Variants in LRP1 observed in about 807,000 individuals in gnomAD.
LRP1 encodes prolow-density lipoprotein receptor-related protein 1.
Under a neutral mutation model 541.5 loss-of-function variants are expected in LRP1, and 51 were observed. The observed-to-expected ratio is 0.09, with a 90% CI of 0.08 to 0.12. The LOEUF (loss-of-function observed/expected upper bound fraction) is 0.12. Among genes scored for constraint, LRP1 ranks in the 10% least tolerant of loss-of-function variants. The pLI, the probability that LRP1 is intolerant of heterozygous loss-of-function variation, is 1.00. For missense variants in LRP1, 3,878 were observed against 6,376.2 expected (o/e 0.61, Z 13.34); for synonymous variants, 2,219 against 2,470.8 (o/e 0.90, Z 3.02).
In LRP1 at chr12:57,199,861, A is replaced by T; in HGVS notation, c.9866-16A>T. On this transcript the variant is annotated splice_polypyrimidine_tract_variant and intron_variant, in intron 61 of 88. Coordinates refer to ENST00000243077, the MANE Select transcript of LRP1 (RefSeq NM_002332.3). ...CCAGAAAATGTCACCATATTTCACG[A>T]CGTTTTCTCTGGCAGTGCCCAATCA... is the stretch of plus-strand genomic sequence containing the variant. The T allele has an allele frequency of 6.3e-7, 1 of 1,575,476 alleles. No individual in the cohort carries two copies. Among genetic ancestry groups the T allele is most frequent in the Non-Finnish European group, 8.6e-7 (1 of 1,163,256 alleles).
intron 76 of LRP1, among the ~76,000 whole-genome samples, chr12:57,207,543 A>G (rs916448786): frequency 2.6e-5 from 4 of 151,372 alleles, no homozygotes; most frequent in Non-Finnish European, 5.9e-5. Flanking sequence ...AAAAAAAAAA[A>G]AGAAAAAGAA....
At chr12:57,163,039 G>A (rs932735150) in intron 15 of LRP1, 56 bp downstream of exon 15, 67 of 1,542,966 alleles carry the variant, frequency 4.3e-5, no homozygotes, top group Non-Finnish European at 5.3e-5. Flanking sequence ...GGAGGATGCC[G>A]AAGAGTGGGG....
intron 15 of LRP1, chr12:57,164,875 C>A (rs768848589): frequency 6.6e-6 from 1 of 152,036 alleles, no homozygotes; most frequent in Non-Finnish European, 1.5e-5. Context: ...AATGGAGGGG[C>A]CAAGGTAATG....
chr12:57,147,052 G>A lies in LRP1; in HGVS notation c.841+1562G>A, dbSNP rs1235570785. ...ATCTCCTTATCTGACTTCCTCCCCA[G>A]GAGAAGCTGGTACCCCTCCCTTGGC... On this transcript the variant is annotated intron_variant, in intron 6 of 88. Transcript: ENST00000243077. Among the ~76,000 whole-genome samples the A allele has an allele frequency of 2.6e-5, 4 of 152,186 alleles. No individual in the cohort carries two copies. The East Asian group carries it at 7.7e-4, about 29-fold the overall frequency.
At position 57,160,947 on chromosome 12, in the gene LRP1, G is replaced by T. The variant is rs2035717916; in HGVS notation, c.2034G>T (p.Arg678=). 6.2e-7 allele frequency: 1 copy of T among 1,613,990 alleles called. No homozygotes were observed. The highest frequency in any genetic ancestry group is 8.5e-7 in the Non-Finnish European group (1 of 1,180,024). The change falls in exon 13 of 89, where the codon CGG becomes CGT. Residue 678 remains arginine (R), a synonymous_variant. Coordinates refer to ENST00000243077, the MANE Select transcript of LRP1 (RefSeq NM_002332.3). Reference sequence around the variant, plus strand: ...ACCCCAAGGACAGTCGGCGTGGGCGGCTGGAGAGGGCGTGGATGGATGGCT... The same window carrying T: ...ACCCCAAGGACAGTCGGCGTGGGCGTCTGGAGAGGGCGTGGATGGATGGCT... ...EEDPKDSRRG[R]LERAWMDGSH... is the part of the protein sequence containing the mutation.
rs2036738754 is a variant in LRP1 at position 57,204,948 on chromosome 12, G to T, written c.11195-161G>T. 7 of 1,322,832 alleles carry T rather than the reference G, an allele frequency of 5.3e-6. No homozygotes were observed. In the South Asian group the frequency reaches 1.0e-4, roughly 19 times the overall value. 81.9% of individuals were successfully genotyped at this position (1,322,832 alleles called of 1,614,324 possible). A position where few individuals can be genotyped will look rare whatever the true frequency, so the allele number is the denominator to read the frequency against. On this transcript the variant is annotated intron_variant, in intron 72 of 88. Coordinates refer to ENST00000243077, the MANE Select transcript of LRP1 (RefSeq NM_002332.3). This position sits in a 1 kb window ranked among gnomAD's most constrained non-coding sequence, Gnocchi z 5.3. ...GGGAAGGCTCTGGGGGCTGCCTGAT[G>T]CCTTAGGTCTTGGAGGTGGGGCTGG...
intron 16 of LRP1, 42 bp from the exon 17 acceptor site, chr12:57,166,042 G>T (rs370829480): frequency 6.2e-7 from 1 of 1,613,430 alleles, no homozygotes; most frequent in Non-Finnish European, 8.5e-7. Flanking sequence ...GAAGCTGGGG[G>T]CACCCAACTT....
Position 57,197,143 on chromosome 12 carries a change from C to T in LRP1, c.9054C>T (p.Pro3018=), listed in dbSNP as rs774252773. 40 of 1,613,972 alleles carry T rather than the reference C, an allele frequency of 2.5e-5. No homozygotes were observed. In the South Asian group the frequency reaches 4.0e-4, roughly 16 times the overall value. ...VEGYAPRGGD[P]HSCKAVTDEE... ...GCTATGCACCCCGCGGCGGCGACCC[C>T]CACAGCTGCAAGGCTGTGACTGGTG... is the stretch of plus-strand genomic sequence containing the variant. The change falls in exon 56 of 89, where the codon CCC becomes CCT. Residue 3018 remains proline (P), a synonymous_variant. Transcript: ENST00000243077. The surrounding 1 kb of genome is among the most constrained non-coding windows in gnomAD (Gnocchi z 4.5).
Position 57,206,348 on chromosome 12 carries a change from G to C in LRP1, c.11591-125G>C. 1 of 998,806 alleles carries C rather than the reference G, an allele frequency of 1.0e-6. No homozygotes were observed. The highest frequency in any genetic ancestry group is 1.5e-6 in the Non-Finnish European group (1 of 670,920). The allele number at this position is 998,806 out of a possible 1,614,324, so 61.9% of individuals were successfully genotyped here. On this transcript the variant is annotated intron_variant, in intron 75 of 88. Coordinates refer to ENST00000243077, the MANE Select transcript of LRP1 (RefSeq NM_002332.3). The surrounding 1 kb of genome is among the most constrained non-coding windows in gnomAD (Gnocchi z 4.7). Reference sequence around the variant, plus strand: ...CAACCCTGAGCAGGGAGGGTAAGCAGCAGCTTCTGGCCGGAGCAGATGGTC... The same window carrying C: ...CAACCCTGAGCAGGGAGGGTAAGCACCAGCTTCTGGCCGGAGCAGATGGTC...
chr12:57,179,939 C>A lies in LRP1; in HGVS notation c.5124C>A (p.Val1708=), dbSNP rs769010897. ...GCCTGGAGCAGCCCCATGGCCTTGT[C>A]GTCCACCCTCTGCGTGGGTCAGTCT... The part of the protein sequence containing the change: ...VQGLEQPHGL[V]VHPLRGKLYW... Residue 1708 remains valine, a synonymous_variant, in exon 30 of 89, where the codon GTC becomes GTA. Coordinates refer to ENST00000243077, the MANE Select transcript of LRP1 (RefSeq NM_002332.3). This position sits in a 1 kb window ranked among gnomAD's most constrained non-coding sequence, Gnocchi z 6.8. 6.2e-7 allele frequency: 1 copy of A among 1,613,930 alleles called. No individual in the cohort carries two copies. The highest frequency in any genetic ancestry group is 8.5e-7 in the Non-Finnish European group (1 of 1,180,008).
intron 2 of LRP1, among the ~76,000 whole-genome samples, chr12:57,139,387 G>A (rs569042521): frequency 1.3e-5 from 2 of 152,184 alleles, no homozygotes; most frequent in East Asian, 3.9e-4. Context: ...AGTGGGCTCT[G>A]CCTCACCCCT....
In LRP1 at chr12:57,176,005, G is replaced by T. The variant is rs775159677; in HGVS notation, c.3890G>T (p.Arg1297Leu). The T allele has an allele frequency of 6.2e-7, 1 of 1,614,186 alleles. No individual in the cohort carries two copies. The highest frequency in any genetic ancestry group is 8.5e-7 in the Non-Finnish European group (1 of 1,180,052). Residue 1297 changes from arginine (R) to leucine (L), a missense_variant, in exon 24 of 89, where the codon CGC becomes CTC. Arg to Leu is a moderately radical substitution (Grantham distance 102). This residue lies in a region of LRP1 where 320 missense variants were observed against 547.9 expected (regional missense o/e 0.58). Coordinates refer to ENST00000243077, the MANE Select transcript of LRP1 (RefSeq NM_002332.3). ...TACAGCGTCCTGGTGCCCGGCCTGC[G>T]CAACACCATCGCCCTGGACTTCCAC... is the stretch of plus-strand genomic sequence containing the variant. ...GDYSVLVPGL[R>L]NTIALDFHLS...
In LRP1 at chr12:57,212,071, T is replaced by A; in HGVS notation, c.13350-46T>A. On this transcript the variant is annotated intron_variant, in intron 87 of 88. Transcript: ENST00000243077. The surrounding 1 kb of genome is among the most constrained non-coding windows in gnomAD (Gnocchi z 5.0). Reference sequence around the variant, plus strand: ...GGTCATTATTTTGCCATCCTAGCCTTCCCCCCCAATAATCTCTGTCTCCTT... The same window carrying A: ...GGTCATTATTTTGCCATCCTAGCCTACCCCCCCAATAATCTCTGTCTCCTT... 6.2e-7 allele frequency: 1 copy of A among 1,612,344 alleles called. No individual in the cohort carries two copies. The highest frequency in any genetic ancestry group is 8.5e-7 in the Non-Finnish European group (1 of 1,179,000).
Position 57,192,874 on chromosome 12 carries a change from G to C in LRP1, c.7459G>C (p.Gly2487Arg). 6.2e-7 allele frequency: 1 copy of C among 1,614,124 alleles called. No homozygotes were observed. The highest frequency in any genetic ancestry group is 8.5e-7 in the Non-Finnish European group (1 of 1,180,026). The stretch of plus-strand genomic sequence containing the variant: ...ACTCTCTCCATGCCGAATCAACAAC[G>C]GTGGCTGCCAGGACCTGTGTCTGCT... Reference protein sequence around the residue: ...CELSPCRINNGGCQDLCLLTH... With the variant: ...CELSPCRINNRGCQDLCLLTH... Residue 2487 changes from glycine to arginine, a missense_variant, in exon 45 of 89, where the codon GGT becomes CGT. Transcript: ENST00000243077.
rs752406364 is a variant in LRP1, at chr12:57,193,252, C to T, written c.7632C>T (p.Cys2544=). ...NGECINFSLT[C]DGVPHCKDKS... ...AGTGCATCAACTTCAGCCTGACCTG[C>T]GACGGCGTCCCCCACTGCAAGGACA... The change falls in exon 46 of 89, where the codon TGC becomes TGT. Residue 2544 remains cysteine, a synonymous_variant. Transcript: ENST00000243077. 1.5e-5 allele frequency: 24 copies of T among 1,613,870 alleles called. No individual in the cohort carries two copies. The highest frequency in any genetic ancestry group is 4.0e-5 in the African/African-American group (3 of 74,912).
At position 57,173,641 on chromosome 12, in the gene LRP1, C is replaced by A; in HGVS notation, c.3347-139C>A. The stretch of plus-strand genomic sequence containing the variant: ...GTTTGTTGCCTATGTGAATTTGACC[C>A]AAAAAGCCTCGGGGTTCCTCGTGGA... On this transcript the variant is annotated intron_variant, in intron 21 of 88. Transcript: ENST00000243077. This position sits in a 1 kb window ranked among gnomAD's most constrained non-coding sequence, Gnocchi z 4.7. 1.1e-6 allele frequency: 1 copy of A among 877,870 alleles called. No homozygotes were observed. Among genetic ancestry groups the A allele is most frequent in the Non-Finnish European group, 1.8e-6 (1 of 562,798 alleles). 54.4% of individuals were successfully genotyped at this position (877,870 alleles called of 1,614,324 possible).
At chr12:57,182,553 A>G (rs1423832396) in intron 34 of LRP1, among the ~76,000 whole-genome samples, 5 of 151,086 alleles carry the variant, frequency 3.3e-5, no homozygotes, top group South Asian at 2.1e-4. Context: ...TGCGTGGCTC[A>G]TGCCTGTGAT....
Position 57,173,649 on chromosome 12 carries a change from C to A in LRP1, c.3347-131C>A. ...CCTATGTGAATTTGACCCAAAAAGC[C>A]TCGGGGTTCCTCGTGGACCCCACAG... On this transcript the variant is annotated intron_variant, in intron 21 of 88. Coordinates refer to ENST00000243077, the MANE Select transcript of LRP1 (RefSeq NM_002332.3). The surrounding 1 kb of genome is among the most constrained non-coding windows in gnomAD (Gnocchi z 4.7). The A allele has an allele frequency of 1.1e-6, 1 of 936,970 alleles. No individual in the cohort carries two copies. Among genetic ancestry groups the A allele is most frequent in the Non-Finnish European group, 1.6e-6 (1 of 607,584 alleles). 58.0% of individuals were successfully genotyped at this position (936,970 alleles called of 1,614,324 possible). A position where few individuals can be genotyped will look rare whatever the true frequency, so the allele number is the denominator to read the frequency against.
At chr12:57,160,557 C>G (rs2035709164) in intron 12 of LRP1, among the ~76,000 whole-genome samples, 1 of 152,170 alleles carries the variant, frequency 6.6e-6, no homozygotes, top group African/African-American at 2.4e-5. Context: ...CGGTCACTCT[C>G]CACCCCATCA....
Sources: allele counts gnomAD v4.1 joint callset (sites outside exome capture counted in the v4.1 genomes callset), GRCh38; gene constraint gnomAD v4.1.1; regional missense constraint gnomAD v4.1.1; non-coding constraint Gnocchi (gnomAD v3.1); transcripts MANE v1.5; gene names NCBI Gene and HGNC (gene_info 2026-07-23, HGNC 2026-07-21).